The following ADGRB3 variants were observed in gnomAD, a reference collection of about 807,000 sequenced individuals.
ADGRB3 encodes the protein adhesion G protein-coupled receptor B3.
In ADGRB3, 37 loss-of-function variants were observed where a neutral mutation model predicts 193.4. The observed-to-expected ratio is 0.19, with a 90% CI of 0.15 to 0.25. The LOEUF is 0.25. Ranked by LOEUF, ADGRB3 falls within the 10% of genes least tolerant of loss-of-function variation. The pLI, the probability that ADGRB3 is intolerant of heterozygous loss-of-function variation, is 1.00. For missense variants in ADGRB3, 1,637 were observed against 1,852.9 expected, an observed-to-expected ratio of 0.88 and a Z score of 2.14; for synonymous variants, 690 against 644.2, an observed-to-expected ratio of 1.07 and a Z score of -1.08.
intron 17 of ADGRB3, among the ~76,000 whole-genome samples, chr6:69,099,796 G>A (rs931733512): frequency 6.6e-6 from 1 of 152,146 alleles, no homozygotes; most frequent in East Asian, 1.9e-4. Context: ...AGTCCAAGGG[G>A]TGATTACATT....
At chr6:68,789,619 C>T (rs888304679) in intron 3 of ADGRB3, among the ~76,000 whole-genome samples, 8 of 152,146 alleles carry the variant, frequency 5.3e-5, no homozygotes, top group Non-Finnish European at 1.2e-4. Flanking sequence ...GTGAATCTGA[C>T]AATTATGTGT....
intron 17 of ADGRB3, among the ~76,000 whole-genome samples, chr6:69,213,430 G>C (rs973970035): frequency 2.6e-5 from 4 of 152,114 alleles, no homozygotes; most frequent in Non-Finnish European, 5.9e-5. Flanking sequence ...CATGATTCAG[G>C]ATTATACCTG....
chr6:69,181,677 T>C (rs1184089195), intron 17 of ADGRB3, among the ~76,000 whole-genome samples: 2 of 152,244 alleles, frequency 1.3e-5, no homozygotes, highest in African/African-American at 4.8e-5. Flanking sequence ...GAATGTTGTC[T>C]TCTTAAGCTT....
intron 3 of ADGRB3, among the ~76,000 whole-genome samples, chr6:68,828,931 A>C (rs1767899533): frequency 6.6e-6 from 1 of 152,092 alleles, no homozygotes. Context: ...ATTAATTTTC[A>C]CAGAAGGAAA....
At chr6:68,682,125 A>G (rs1764907537) in intron 3 of ADGRB3, among the ~76,000 whole-genome samples, 1 of 152,190 alleles carries the variant, frequency 6.6e-6, no homozygotes, top group Non-Finnish European at 1.5e-5. Flanking sequence ...CTCTACATTT[A>G]CAGCTGAATC....
chr6:69,028,054 G>A (rs1419760096), intron 13 of ADGRB3, among the ~76,000 whole-genome samples: 1 of 152,148 alleles, frequency 6.6e-6, no homozygotes, highest in Non-Finnish European at 1.5e-5. Flanking sequence ...TATTCTCAAG[G>A]AGACTGAGCA....
At chr6:69,258,307 CT>C (rs1766827322) in intron 20 of ADGRB3, among the ~76,000 whole-genome samples, 1 of 152,054 alleles carries the variant, frequency 6.6e-6, no homozygotes, top group African/African-American at 2.4e-5. Flanking sequence ...ATGATTATTT[CT>C]GTTTTGTTTT....
At chr6:68,657,314 G>T (rs973775825) in intron 3 of ADGRB3, among the ~76,000 whole-genome samples, 1 of 151,350 alleles carries the variant, frequency 6.6e-6, no homozygotes, top group Non-Finnish European at 1.5e-5. Flanking sequence ...GGGGGCAAAG[G>T]CTATATATAA....
rs1437756409 is a variant in ADGRB3 at position 68,708,681 on chromosome 6, GT to G, written c.757+69253del. On this transcript the variant is annotated intron_variant, in intron 3 of 31. Coordinates refer to ENST00000370598, the MANE Select transcript of ADGRB3 (RefSeq NM_001704.3). ...TCTGTGCTAAATATTGTTTAAAAAT[GT>G]TTTGAATTATTTCAAGAGTAGCTAA... Among the ~76,000 whole-genome samples the G allele has an allele frequency of 3.9e-5, 6 of 152,148 alleles. No individual in the cohort carries two copies. In the East Asian group the frequency reaches 1.2e-3, roughly 29 times the overall value.
At chr6:68,969,602 A>G (rs1260378353) in intron 8 of ADGRB3, among the ~76,000 whole-genome samples, 12 of 152,142 alleles carry the variant, frequency 7.9e-5, no homozygotes, top group Admixed American at 7.9e-4. Flanking sequence ...ATGTGGCATG[A>G]AAATTGGATT....
chr6:69,273,725 C>T (rs1253225296), intron 20 of ADGRB3, among the ~76,000 whole-genome samples: 1 of 152,188 alleles, frequency 6.6e-6, no homozygotes, highest in East Asian at 1.9e-4. Flanking sequence ...AACAAGACAA[C>T]CTTGAACAGT....
In ADGRB3 at chr6:69,338,946, G is replaced by T; in HGVS notation, c.3219G>T (p.Thr1073=). 1 of 1,613,686 alleles carries T rather than the reference G, an allele frequency of 6.2e-7. No individual in the cohort carries two copies. The highest frequency in any genetic ancestry group is 8.5e-7 in the Non-Finnish European group (1 of 1,179,804). The change falls in exon 25 of 32, where the codon ACG becomes ACT. Residue 1073 remains threonine (T), a synonymous_variant. Coordinates refer to ENST00000370598, the MANE Select transcript of ADGRB3 (RefSeq NM_001704.3). ...TGAGTGAGCCTCATAGCGGTTTGAC[G>T]CTCAAATGTGCCAAGTGTGGAGTAG... ...GQMSEPHSGL[T]LKCAKCGVVS... is the part of the protein sequence containing the mutation.
At chr6:69,031,086 CT>C (rs1420161861) in intron 13 of ADGRB3, among the ~76,000 whole-genome samples, 1 of 72,386 alleles carries the variant, frequency 1.4e-5, no homozygotes, top group Non-Finnish European at 3.1e-5. Context: ...CTTCTCTTCT[CT>C]TCTCTTCTCT....
intron 3 of ADGRB3, among the ~76,000 whole-genome samples, chr6:68,667,662 C>A (rs1768835939): frequency 6.6e-6 from 1 of 151,566 alleles, no homozygotes; most frequent in Non-Finnish European, 1.5e-5. Flanking sequence ...ACCTAGGATC[C>A]CAAGCTGCAT....
chr6:68,656,556 ATTAGT>A (rs1283836778), intron 3 of ADGRB3, among the ~76,000 whole-genome samples: 17 of 151,622 alleles, frequency 1.1e-4, no homozygotes, highest in African/African-American at 3.9e-4. Flanking sequence ...GTTCACATTT[ATTAGT>A]TTAGTTCATT....
At chr6:69,382,583 G>A (rs1409798322) in intron 30 of ADGRB3, among the ~76,000 whole-genome samples, 1 of 151,776 alleles carries the variant, frequency 6.6e-6, no homozygotes, top group Non-Finnish European at 1.5e-5. Flanking sequence ...CATTTTTAAT[G>A]TACCCACAAC....
intron 17 of ADGRB3, among the ~76,000 whole-genome samples, chr6:69,182,408 G>GA (rs35063094): frequency 0.11 from 15,763 of 138,440 alleles, 884 homozygotes; most frequent in Middle Eastern, 0.15. Flanking sequence ...ACAACAACAA[G>GA]AAAAAAAAAA....
chr6:69,207,224 C>G (rs941004114), intron 17 of ADGRB3, among the ~76,000 whole-genome samples: 1 of 152,078 alleles, frequency 6.6e-6, no homozygotes, highest in East Asian at 1.9e-4. Flanking sequence ...AATGTAATGT[C>G]GCAGGAATGG....
intron 30 of ADGRB3, among the ~76,000 whole-genome samples, chr6:69,375,714 A>C (rs1769802420): frequency 6.6e-6 from 1 of 152,134 alleles, no homozygotes; most frequent in Non-Finnish European, 1.5e-5. Flanking sequence ...ACGCTAATAG[A>C]TAACAGTATC....
Sources: gnomAD v4.1 joint callset for allele counts (sites outside exome capture counted in the v4.1 genomes callset) on GRCh38, gnomAD v4.1.1 for gene constraint, MANE v1.5 for transcripts, NCBI Gene and HGNC (gene_info 2026-07-23, HGNC 2026-07-21) for gene names.